Variants in MYO1D observed in about 807,000 individuals in gnomAD.
MYO1D encodes the protein unconventional myosin-Id.
A neutral mutation model predicts 122.0 loss-of-function variants in MYO1D; 83 were observed. The ratio of observed to expected loss-of-function variants is 0.68; its 90% CI spans 0.57 to 0.82. The LOEUF is 0.82. MYO1D is among the 40% of genes least tolerant of loss of function. The pLI, the probability that MYO1D is intolerant of heterozygous loss-of-function variation, is 0.00. For missense variants in MYO1D, 1,157 were observed against 1,269.5 expected (o/e 0.91, Z 1.35); for synonymous variants, 464 against 446.9 (o/e 1.04, Z -0.48).
intron 21 of MYO1D, among the ~76,000 whole-genome samples, chr17:32,583,076 G>T (rs926826804): frequency 2.0e-5 from 3 of 152,056 alleles, no homozygotes; most frequent in African/African-American, 7.2e-5. Context: ...AGTCTTCTGG[G>T]AATAAACTGT....
At chr17:32,872,917 G>C (rs7210333) in intron 1 of MYO1D, among the ~76,000 whole-genome samples, 87,753 of 150,296 alleles carry the variant, frequency 0.58, 25,637 homozygotes, top group Admixed American at 0.67. Context: ...AGGATGGTCT[G>C]GATCTCCTGA....
intron 19 of MYO1D, among the ~76,000 whole-genome samples, chr17:32,644,932 T>C (rs1040638215): frequency 1.3e-5 from 2 of 152,236 alleles, no homozygotes; most frequent in African/African-American, 4.8e-5. Context: ...AATACTGTTA[T>C]GTGTGAATCT....
chr17:32,684,569 A>T (rs2088978454), intron 16 of MYO1D, among the ~76,000 whole-genome samples: 1 of 152,242 alleles, frequency 6.6e-6, no homozygotes, highest in African/African-American at 2.4e-5. Context: ...GCCCTGTGGA[A>T]GTGTTACATC....
In MYO1D at chr17:32,876,818, T is replaced by C; in HGVS notation, c.55A>G (p.Thr19Ala). 2 of 1,526,306 alleles carry C rather than the reference T, an allele frequency of 1.3e-6. No individual in the cohort carries two copies. Among genetic ancestry groups the C allele is most frequent in the Non-Finnish European group, 1.8e-6 (2 of 1,137,680 alleles). The allele number at this position is 1,526,306 out of a possible 1,614,324, so 94.5% of individuals were successfully genotyped here. A position where few individuals can be genotyped will look rare whatever the true frequency, so the allele number is the denominator to read the frequency against. Residue 19 changes from threonine (T) to alanine (A), a missense_variant, in exon 1 of 22, where the codon ACC becomes GCC. Coordinates refer to ENST00000318217, the MANE Select transcript of MYO1D (RefSeq NM_015194.3). ...GCCATGAACTCGGGCATGGAGACGG[T>C]GTCCATCAGCACGAAGTCTGCCTTG... is the stretch of plus-strand genomic sequence containing the variant. ...FGKADFVLMD[T>A]VSMPEFMANL...
chr17:32,672,068 T>C (rs777659853), intron 16 of MYO1D, among the ~76,000 whole-genome samples: 7 of 152,278 alleles, frequency 4.6e-5, no homozygotes, highest in Admixed American at 1.3e-4. Context: ...ATTTGGCAGA[T>C]TGGAGGAAGG....
intron 1 of MYO1D, among the ~76,000 whole-genome samples, chr17:32,800,022 C>CA (rs1274099585): frequency 2.0e-5 from 3 of 151,816 alleles, no homozygotes; most frequent in Admixed American, 6.6e-5. Flanking sequence ...TGGCTATTAT[C>CA]AAAAAAATGA....
rs1002817069 is a variant in MYO1D, at chr17:32,494,203, G to C, written c.*556C>G. The C allele has an allele frequency of 2.6e-5, 4 of 154,478 alleles. No homozygotes were observed. Among genetic ancestry groups the C allele is most frequent in the Non-Finnish European group, 5.7e-5 (4 of 69,742 alleles). The allele number at this position is 154,478 out of a possible 1,614,324, so 9.6% of individuals were successfully genotyped here. On this transcript the variant is annotated 3_prime_UTR_variant, in exon 22 of 22. Coordinates refer to ENST00000318217, the MANE Select transcript of MYO1D (RefSeq NM_015194.3). ...GCTCCTGCCACTGGCTCCTGGCTGA[G>C]GGGCTGGCCCTGTGGGTGACTCTGC... is the stretch of plus-strand genomic sequence containing the variant.
intron 20 of MYO1D, among the ~76,000 whole-genome samples, chr17:32,634,808 C>T (rs1299444381): frequency 6.6e-6 from 1 of 152,222 alleles, no homozygotes; most frequent in East Asian, 1.9e-4. Context: ...GATGCCTGGC[C>T]AACCTGGCCT....
intron 21 of MYO1D, among the ~76,000 whole-genome samples, chr17:32,575,081 A>G (rs1270831302): frequency 6.6e-6 from 1 of 152,256 alleles, no homozygotes; most frequent in Non-Finnish European, 1.5e-5. Flanking sequence ...AAAAGCAATG[A>G]AATGTTGATA....
At chr17:32,696,258 AC>A (rs1299025278) in intron 16 of MYO1D, among the ~76,000 whole-genome samples, 1 of 152,178 alleles carries the variant, frequency 6.6e-6, no homozygotes, top group Non-Finnish European at 1.5e-5. Flanking sequence ...TGAAAAACTG[AC>A]TATTATTAGG....
intron 1 of MYO1D, among the ~76,000 whole-genome samples, chr17:32,818,125 C>CAAAAAAAAAAAAAAAAAAAAAAAAAAA (rs58466009): frequency 2.4e-4 from 11 of 45,982 alleles, no homozygotes; most frequent in Admixed American, 5.0e-4. Context: ...GACTCCGTCT[C>CAAAAAAAAAAAAAAAAAAAAAAAAAAA]AAAAAAAAAA....
At chr17:32,668,248 G>A (rs1397875006) in intron 16 of MYO1D, among the ~76,000 whole-genome samples, 1 of 152,180 alleles carries the variant, frequency 6.6e-6, no homozygotes, top group Non-Finnish European at 1.5e-5. Context: ...GATCCAAAGT[G>A]GTGTCTGGCA....
intron 11 of MYO1D, among the ~76,000 whole-genome samples, chr17:32,750,563 C>T (rs1010609982): frequency 7.2e-5 from 11 of 151,882 alleles, no homozygotes; most frequent in Non-Finnish European, 1.2e-4. Context: ...TGTAGTGAGC[C>T]GAGATCATGC....
intron 1 of MYO1D, 108 bp from the exon 2 acceptor site, chr17:32,780,892 AT>A (rs1259935832): frequency 9.3e-7 from 1 of 1,077,572 alleles, no homozygotes; most frequent in South Asian, 1.4e-5. Context: ...CCTAGGAATG[AT>A]TTCTGAACTG....
intron 20 of MYO1D, among the ~76,000 whole-genome samples, chr17:32,616,482 CTTTTTTT>C (rs552603493): frequency 7.4e-6 from 1 of 135,556 alleles, no homozygotes; most frequent in Admixed American, 7.5e-5. Context: ...TAATTAAAAA[CTTTTTTT>C]TTTTTTTTTT....
intron 16 of MYO1D, among the ~76,000 whole-genome samples, chr17:32,669,370 T>C (rs2088679139): frequency 6.6e-6 from 1 of 152,240 alleles, no homozygotes; most frequent in Non-Finnish European, 1.5e-5. Context: ...CTTCCTTTCA[T>C]GCAGTTCCTA....
chr17:32,607,197 G>A (rs2087639321), intron 20 of MYO1D, among the ~76,000 whole-genome samples: 1 of 151,850 alleles, frequency 6.6e-6, no homozygotes, highest in African/African-American at 2.4e-5. Flanking sequence ...AGATTGAAAA[G>A]GAAGAAACAC....
At chr17:32,753,953 T>C (rs897273463) in intron 11 of MYO1D, among the ~76,000 whole-genome samples, 4 of 151,938 alleles carry the variant, frequency 2.6e-5, no homozygotes, top group African/African-American at 4.8e-5. Flanking sequence ...GGTTGACACA[T>C]TTAATTCAGG....
chr17:32,638,609 T>C, intron 20 of MYO1D, 113 bp downstream of exon 20: 1 of 616,898 alleles, frequency 1.6e-6, no homozygotes, highest in Non-Finnish European at 2.8e-6. Flanking sequence ...ATTTCAGGAA[T>C]TCATGGGCAT....
Sources: allele counts gnomAD v4.1 joint callset (sites outside exome capture counted in the v4.1 genomes callset), GRCh38; gene constraint gnomAD v4.1.1; transcripts MANE v1.5; gene names NCBI Gene and HGNC (gene_info 2026-07-23, HGNC 2026-07-21).